The following WDR19 variants were observed in gnomAD, a reference collection of about 807,000 sequenced individuals.
WDR19 encodes WD repeat-containing protein 19.
WDR19 carries 121 observed loss-of-function variants against 180.0 expected under a neutral mutation model. That is an observed-to-expected ratio of 0.67 (90% CI 0.58 to 0.78). The LOEUF (loss-of-function observed/expected upper bound fraction) is 0.78. Among genes scored for constraint, WDR19 ranks in the 30% least tolerant of loss-of-function variants. The pLI is 0.00. For missense variants in WDR19, 1,450 were observed against 1,640.7 expected, an observed-to-expected ratio of 0.88 and a Z score of 2.01; for synonymous variants, 497 against 540.7, an observed-to-expected ratio of 0.92 and a Z score of 1.12.
chr4:39,212,487 T>C (rs1361586202), intron 9 of WDR19, among the ~76,000 whole-genome samples: 1 of 152,194 alleles, frequency 6.6e-6, no homozygotes, highest in Non-Finnish European at 1.5e-5. Context: ...CTTTGTGAAG[T>C]ACTCTGTTAA....
At chr4:39,208,239 TTCAA>T (rs1440084120) in intron 9 of WDR19, among the ~76,000 whole-genome samples, 2 of 151,484 alleles carry the variant, frequency 1.3e-5, no homozygotes, top group African/African-American at 4.8e-5. Context: ...AGCAGTAGAC[TTCAA>T]TTCAAACATG....
At chr4:39,245,091 C>T (rs1577977587) in intron 23 of WDR19, among the ~76,000 whole-genome samples, 2 of 151,220 alleles carry the variant, frequency 1.3e-5, no homozygotes, top group East Asian at 3.9e-4. Context: ...CATGCTGCCA[C>T]AATGCCTGGC....
chr4:39,258,119 A>G (rs1401561476), intron 28 of WDR19, among the ~76,000 whole-genome samples: 2 of 152,108 alleles, frequency 1.3e-5, no homozygotes, highest in Non-Finnish European at 2.9e-5. Flanking sequence ...TATGTATGCA[A>G]ATGTGTCCGT....
rs1370036164 is a variant in WDR19, at chr4:39,280,124, T to TG, written c.*13+1461_*13+1462insG. ...GGGTTTTTTTCCCTTTTCTTGTTTTTTTTTTTTTTTTTTTTTTAATAGAGG... is the reference window on the plus strand; with the variant it reads ...GGGTTTTTTTCCCTTTTCTTGTTTTTGTTTTTTTTTTTTTTTTTAATAGAGG... On this transcript the variant is annotated intron_variant, in intron 36 of 36. Coordinates refer to ENST00000399820, the MANE Select transcript of WDR19 (RefSeq NM_025132.4). Among the ~76,000 whole-genome samples, 2 of 104,892 alleles carry TG rather than the reference T, an allele frequency of 1.9e-5. 1 individual carries two copies. Among genetic ancestry groups the TG allele is most frequent in the Non-Finnish European group, 4.5e-5 (2 of 43,990 alleles). 68.8% of individuals were successfully genotyped at this position (104,892 alleles called of 152,430 possible).
chr4:39,201,070 G>A (rs1367535677), intron 6 of WDR19, among the ~76,000 whole-genome samples: 1 of 152,098 alleles, frequency 6.6e-6, no homozygotes, highest in African/African-American at 2.4e-5. Flanking sequence ...TGATAGTATG[G>A]GTTGGGGTCG....
rs748090823 is a variant in WDR19, at chr4:39,278,527, TC to T, written c.3918-8del. On this transcript the variant is annotated splice_polypyrimidine_tract_variant and intron_variant, in intron 35 of 36. Coordinates refer to ENST00000399820, the MANE Select transcript of WDR19 (RefSeq NM_025132.4). ...ATATTTAATTTACTCTGCCTTTCCC[TC>T]CCCTAAACAGCATGCTAAACACTGA... The T allele has an allele frequency of 7.5e-6, 12 of 1,591,690 alleles. No homozygotes were observed. The highest frequency in any genetic ancestry group is 1.0e-5 in the Non-Finnish European group (12 of 1,166,370).
chr4:39,266,034 T>G (rs1385371072), intron 28 of WDR19, 29 bp from the exon 29 acceptor site: 1 of 1,546,604 alleles, frequency 6.5e-7, no homozygotes, highest in Admixed American at 2.0e-5. Context: ...GATGCTGAAT[T>G]TGCTGGGTTT....
At chr4:39,205,761 G>A (rs769825479) in intron 9 of WDR19, 25 bp downstream of exon 9, 18 of 1,559,210 alleles carry the variant, frequency 1.2e-5, no homozygotes, top group Non-Finnish European at 1.6e-5. Context: ...CATATTTTTA[G>A]GAAAGCTTAT....
At chr4:39,269,939 C>A in intron 30 of WDR19, 37 bp from the exon 31 acceptor site, 1 of 1,601,862 alleles carries the variant, frequency 6.2e-7, no homozygotes, top group South Asian at 1.1e-5. Context: ...CAGATGTCAC[C>A]CTTTGCAGTA....
At chr4:39,275,058 G>A in intron 33 of WDR19, 100 bp downstream of exon 33, 1 of 1,461,590 alleles carries the variant, frequency 6.8e-7, no homozygotes. Flanking sequence ...AACGGTGGGG[G>A]GCCAGGTGCA....
At chr4:39,186,683 T>C in intron 3 of WDR19, 79 bp downstream of exon 3, 1 of 964,700 alleles carries the variant, frequency 1.0e-6, no homozygotes, top group Admixed American at 3.2e-5. Context: ...CTTAAAATTA[T>C]AATCAGATGG....
At chr4:39,264,834 A>G (rs1481444847) in intron 28 of WDR19, among the ~76,000 whole-genome samples, 1 of 151,662 alleles carries the variant, frequency 6.6e-6, no homozygotes, top group African/African-American at 2.4e-5. Flanking sequence ...AAACTCATAC[A>G]TGCCCATCCT....
chr4:39,233,175 A>G (rs559311514), intron 19 of WDR19, among the ~76,000 whole-genome samples: 1 of 152,274 alleles, frequency 6.6e-6, no homozygotes, highest in South Asian at 2.1e-4. Flanking sequence ...TCTGTTGTGT[A>G]TTAAAAGGTG....
In WDR19 at chr4:39,278,661, C is replaced by T. The variant is rs764945753; in HGVS notation, c.*11C>T. On this transcript the variant is annotated splice_region_variant and 3_prime_UTR_variant, in exon 36 of 37. Coordinates refer to ENST00000399820, the MANE Select transcript of WDR19 (RefSeq NM_025132.4). ...GAGGAGGAACTGTGATTGGCACGTG[C>T]AGGTGAGTGGCAGAGCGCCCACGCA... 2 of 1,597,692 alleles carry T rather than the reference C, an allele frequency of 1.3e-6. No individual in the cohort carries two copies. The highest frequency in any genetic ancestry group is 1.1e-5 in the South Asian group (1 of 89,532).
In WDR19 at chr4:39,253,198, A is replaced by T. The variant is rs780963454; in HGVS notation, c.2782A>T (p.Ile928Phe). ...AAATGCAAAACAGTGGCAAAGTGTA[A>T]TCCGCATCTATCTGGATCACCTCAA... ...YENAKQWQSV[I>F]RIYLDHLNNP... is the part of the protein sequence containing the mutation. The change falls in exon 25 of 37, where the codon ATC (isoleucine) becomes TTC (phenylalanine). Residue 928 changes from isoleucine (I) to phenylalanine (F), a missense_variant. By Grantham distance (21) the Ile-to-Phe change is conservative. Coordinates refer to ENST00000399820, the MANE Select transcript of WDR19 (RefSeq NM_025132.4). 7 of 1,613,370 alleles carry T rather than the reference A, an allele frequency of 4.3e-6. No individual in the cohort carries two copies. The highest frequency in any genetic ancestry group is 1.3e-5 in the African/African-American group (1 of 75,006).
chr4:39,203,341 T>G (rs1341026310), intron 6 of WDR19, among the ~76,000 whole-genome samples: 3 of 152,176 alleles, frequency 2.0e-5, no homozygotes, highest in African/African-American at 7.2e-5. Flanking sequence ...TTCCTTATTG[T>G]CTCCCATAGC....
At chr4:39,255,303 C>A (rs1733639375) in intron 26 of WDR19, among the ~76,000 whole-genome samples, 1 of 152,164 alleles carries the variant, frequency 6.6e-6, no homozygotes, top group African/African-American at 2.4e-5. Flanking sequence ...TTATGCCTTT[C>A]TCTTATAAAC....
intron 13 of WDR19, 131 bp downstream of exon 13, chr4:39,217,371 T>A: frequency 1.4e-6 from 1 of 699,924 alleles, no homozygotes; most frequent in Non-Finnish European, 2.4e-6. Flanking sequence ...AGTAAAGGAT[T>A]AACAAAACCC....
In WDR19 at chr4:39,266,037, C is replaced by T. The variant is rs375107189; in HGVS notation, c.3184-26C>T. On this transcript the variant is annotated intron_variant, in intron 28 of 36. Transcript: ENST00000399820. The stretch of plus-strand genomic sequence containing the variant: ...TGCTCGGTTTAAGATGCTGAATTTG[C>T]TGGGTTTTTCTCTCTTATTAAACAG... The T allele has an allele frequency of 7.8e-6, 12 of 1,548,010 alleles. No individual in the cohort carries two copies. The African/African-American group carries it at 1.4e-4, about 18-fold the overall frequency.
Sources: allele counts gnomAD v4.1 joint callset (sites outside exome capture counted in the v4.1 genomes callset), GRCh38; gene constraint gnomAD v4.1.1; transcripts MANE v1.5; gene names NCBI Gene and HGNC (gene_info 2026-07-23, HGNC 2026-07-21).